NETO1: variants seen among roughly 807,000 people sequenced by gnomAD.
NETO1 encodes neuropilin and tolloid like 1.
NETO1 carries 26 observed loss-of-function variants against 61.3 expected under a neutral mutation model. That is an observed-to-expected ratio of 0.42 (90% CI 0.31 to 0.59). NETO1 has a LOEUF of 0.59. Among genes scored for constraint, NETO1 ranks in the 20% least tolerant of loss-of-function variants. The pLI is 0.12. For synonymous variants in NETO1, 225 were observed against 225.8 expected (o/e 1.00, Z 0.03); for missense variants, 531 against 662.8 (o/e 0.80, Z 2.18).
intron 3 of NETO1, among the ~76,000 whole-genome samples, chr18:72,860,052 C>T (rs902028210): frequency 2.6e-5 from 4 of 152,122 alleles, no homozygotes; most frequent in Non-Finnish European, 5.9e-5. Flanking sequence ...CACATGAATG[C>T]TTTTGCTAAT....
At chr18:72,826,602 A>T (rs2073381373) in intron 4 of NETO1, among the ~76,000 whole-genome samples, 1 of 151,126 alleles carries the variant, frequency 6.6e-6, no homozygotes, top group Non-Finnish European at 1.5e-5. Flanking sequence ...TTTCCTTTTA[A>T]TTCTCTGATG....
intron 8 of NETO1, among the ~76,000 whole-genome samples, chr18:72,752,697 C>T (rs1488720447): frequency 2.0e-5 from 3 of 151,150 alleles, no homozygotes; most frequent in Admixed American, 1.3e-4. Flanking sequence ...TTGGAGTTGG[C>T]AAAGATTTCA....
At chr18:72,769,421 A>G (rs1433968919) in intron 7 of NETO1, among the ~76,000 whole-genome samples, 1 of 152,204 alleles carries the variant, frequency 6.6e-6, no homozygotes, top group South Asian at 2.1e-4. Context: ...AAACTGTATT[A>G]AAACTCTACT....
At chr18:72,754,666 T>C (rs2070729686) in intron 8 of NETO1, among the ~76,000 whole-genome samples, 1 of 152,064 alleles carries the variant, frequency 6.6e-6, no homozygotes, top group African/African-American at 2.4e-5. Context: ...AAGCTTAAAA[T>C]TACATGAAAG....
intron 7 of NETO1, among the ~76,000 whole-genome samples, chr18:72,757,016 A>C (rs1001358338): frequency 2.0e-5 from 3 of 152,142 alleles, no homozygotes; most frequent in Non-Finnish European, 2.9e-5. Flanking sequence ...TTGCTTACAG[A>C]AAGTGCTTTT....
chr18:72,841,733 C>CAAAAAAAAAA lies in NETO1; in HGVS notation c.469+17092_469+17093insTTTTTTTTTT, dbSNP rs1341296691. On this transcript the variant is annotated intron_variant, in intron 4 of 10. Transcript: ENST00000327305. ...TGGGAGACAGAGTGAGACTCTACCT[C>CAAAAAAAAAA]AACAAAAAAAAAAAAAAAAAAAAAG... Among the ~76,000 whole-genome samples the CAAAAAAAAAA allele has an allele frequency of 4.2e-3, 296 of 70,978 alleles. 105 individuals carry two copies. Among genetic ancestry groups the CAAAAAAAAAA allele is most frequent in the Middle Eastern group, 0.038 (2 of 52 alleles). 46.6% of individuals were successfully genotyped at this position (70,978 alleles called of 152,430 possible). A position where few individuals can be genotyped will look rare whatever the true frequency, so the allele number is the denominator to read the frequency against.
In NETO1 at chr18:72,842,161, G is replaced by A. The variant is rs572105741; in HGVS notation, c.469+16665C>T. 3.3e-5 allele frequency among the ~76,000 whole-genome samples: 5 copies of A among 152,168 alleles called. No individual in the cohort carries two copies. In the South Asian group the frequency reaches 1.0e-3, roughly 32 times the overall value. ...GCAAAAATGCAGAGTAGTGCCTGTG[G>A]GGGGAAATGTTCAAAATAAAGAAGG... On this transcript the variant is annotated intron_variant, in intron 4 of 10. Transcript: ENST00000327305.
In NETO1 at chr18:72,764,500, G is replaced by T. The variant is rs912493784; in HGVS notation, c.869-8353C>A. Among the ~76,000 whole-genome samples, 42 of 152,032 alleles carry T rather than the reference G, an allele frequency of 2.8e-4. 2 individuals are homozygous for T. Among genetic ancestry groups the T allele is most frequent in the Non-Finnish European group, 2.5e-4 (17 of 67,994 alleles). On this transcript the variant is annotated intron_variant, in intron 7 of 10. Transcript: ENST00000327305. The stretch of plus-strand genomic sequence containing the variant: ...CTATGCTAGTGTCTTACAGACCCCT[G>T]TAGCTGAGCCCCCTGAGGCTGTCAC...
At chr18:72,757,773 T>C (rs1470259641) in intron 7 of NETO1, among the ~76,000 whole-genome samples, 1 of 152,182 alleles carries the variant, frequency 6.6e-6, no homozygotes, top group Non-Finnish European at 1.5e-5. Flanking sequence ...TGAATTTCTG[T>C]AGCTGACTAT....
At chr18:72,798,998 C>G (rs2072413449) in intron 4 of NETO1, among the ~76,000 whole-genome samples, 1 of 152,178 alleles carries the variant, frequency 6.6e-6, no homozygotes, top group African/African-American at 2.4e-5. Flanking sequence ...TAAAAGAAAA[C>G]AAAAACATAA....
rs940758678 is a variant in NETO1 at position 72,867,435 on chromosome 18, G to C, written c.-144C>G. 1 of 492,268 alleles carries C rather than the reference G, an allele frequency of 2.0e-6. No individual in the cohort carries two copies. Among genetic ancestry groups the C allele is most frequent in the South Asian group, 5.5e-5 (1 of 18,314 alleles). 30.5% of individuals were successfully genotyped at this position (492,268 alleles called of 1,614,324 possible). A position where few individuals can be genotyped will look rare whatever the true frequency, so the allele number is the denominator to read the frequency against. On this transcript the variant is annotated 5_prime_UTR_variant, in exon 1 of 11. Transcript: ENST00000327305. ...ATAAAGGGGGGCCGAGAGGGAGACC[G>C]AGAGGAAGGGGGAGCTCCGAGCCCA...
At chr18:72,825,587 T>G (rs2073348866) in intron 4 of NETO1, among the ~76,000 whole-genome samples, 1 of 152,124 alleles carries the variant, frequency 6.6e-6, no homozygotes, top group Non-Finnish European at 1.5e-5. Context: ...CTAAAAACAT[T>G]TATTCTACTA....
At chr18:72,855,203 C>T (rs66560557) in intron 4 of NETO1, among the ~76,000 whole-genome samples, 16,651 of 152,146 alleles carry the variant, frequency 0.11, 1,231 homozygotes, top group African/African-American at 0.2. Flanking sequence ...AGAGGAGAGG[C>T]TCAGTACACA....
At chr18:72,752,518 AG>A (rs928628398) in intron 8 of NETO1, among the ~76,000 whole-genome samples, 1 of 152,232 alleles carries the variant, frequency 6.6e-6, no homozygotes, top group African/African-American at 2.4e-5. Flanking sequence ...GAAACAAACA[AG>A]AAAAACTACA....
At chr18:72,849,849 T>C (rs1208451852) in intron 4 of NETO1, among the ~76,000 whole-genome samples, 3 of 152,180 alleles carry the variant, frequency 2.0e-5, no homozygotes, top group African/African-American at 7.2e-5. Flanking sequence ...TTTTCCGTTC[T>C]AGAAGCTGTC....
At chr18:72,840,611 T>C (rs531440514) in intron 4 of NETO1, among the ~76,000 whole-genome samples, 14 of 150,874 alleles carry the variant, frequency 9.3e-5, no homozygotes, top group African/African-American at 3.2e-4. Flanking sequence ...AACAGGAAAT[T>C]TGAATTTGCT....
intron 4 of NETO1, among the ~76,000 whole-genome samples, chr18:72,803,750 G>T (rs1338491657): frequency 1.3e-5 from 2 of 150,518 alleles, no homozygotes; most frequent in African/African-American, 4.9e-5. Context: ...GAACCCGGGA[G>T]GTTGAGGTTG....
intron 6 of NETO1, among the ~76,000 whole-genome samples, chr18:72,787,264 G>C (rs1210486871): frequency 6.6e-6 from 1 of 151,176 alleles, no homozygotes; most frequent in Admixed American, 6.6e-5. Flanking sequence ...ATTATAATTG[G>C]AAGTAAACAT....
chr18:72,766,557 A>G (rs2071168460), intron 7 of NETO1, among the ~76,000 whole-genome samples: 1 of 151,778 alleles, frequency 6.6e-6, no homozygotes, highest in Non-Finnish European at 1.5e-5. Context: ...TGTTTTCAAA[A>G]CTCTGTTCCA....
Sources: gnomAD v4.1 joint callset for allele counts (sites outside exome capture counted in the v4.1 genomes callset) on GRCh38, gnomAD v4.1.1 for gene constraint, MANE v1.5 for transcripts, NCBI Gene and HGNC (gene_info 2026-07-23, HGNC 2026-07-21) for gene names.